Variants in ANXA2 observed in about 807,000 individuals in gnomAD.
ANXA2 encodes annexin II.
ANXA2 carries 28 observed loss-of-function variants against 47.3 expected under a neutral mutation model. The observed-to-expected ratio is 0.59, with a 90% confidence interval of 0.44 to 0.81. The LOEUF is 0.81. ANXA2 is among the 40% of genes least tolerant of loss of function. The pLI is 0.00. For missense variants in ANXA2, 384 were observed against 414.3 expected (o/e 0.93, Z 0.64); for synonymous variants, 172 against 155.5 (o/e 1.11, Z -0.79).
intron 10 of ANXA2, 23 bp from the exon 11 acceptor site, chr15:60,351,274 C>T (rs1379147928): frequency 6.2e-7 from 1 of 1,612,618 alleles, no homozygotes; most frequent in Non-Finnish European, 8.5e-7. Flanking sequence ...GAAAGGGAGT[C>T]AGCGCTGCAG....
In ANXA2 at chr15:60,351,270, G is replaced by A. The variant is rs41308588; in HGVS notation, c.779-19C>T. 3 of 1,613,688 alleles carry A rather than the reference G, an allele frequency of 1.9e-6. No homozygotes were observed. Among genetic ancestry groups the A allele is most frequent in the African/African-American group, 2.7e-5 (2 of 74,928 alleles). On this transcript the variant is annotated intron_variant, in intron 10 of 12. Transcript: ENST00000451270. ...CACTGAACTGTGGAGAGAAGAAAGGGAGTCAGCGCTGCAGCTGCTCTGGTC... is the reference window on the plus strand; with the variant it reads ...CACTGAACTGTGGAGAGAAGAAAGGAAGTCAGCGCTGCAGCTGCTCTGGTC...
intron 1 of ANXA2, 183 bp from the exon 2 acceptor site, chr15:60,386,269 C>T: frequency 1.7e-6 from 1 of 582,354 alleles, no homozygotes; most frequent in Non-Finnish European, 3.1e-6. Flanking sequence ...AGATGGTCTG[C>T]CTTGGGTTGG....
At chr15:60,364,287 G>T (rs1269704865) in intron 4 of ANXA2, 142 bp downstream of exon 4, 1 of 710,202 alleles carries the variant, frequency 1.4e-6, no homozygotes. Flanking sequence ...CTCTTACAAG[G>T]ATTTAAGAAG....
chr15:60,397,895 C>T (rs1049371965), intron 1 of ANXA2, 48 bp downstream of exon 1: 41 of 1,354,046 alleles, frequency 3.0e-5, no homozygotes, highest in Non-Finnish European at 3.8e-5. Context: ...TCTCCACACC[C>T]CGCTAGCTGG....
At chr15:60,364,940 TAG>T (rs1461873321) in intron 3 of ANXA2, among the ~76,000 whole-genome samples, 1 of 150,582 alleles carries the variant, frequency 6.6e-6, no homozygotes, top group Non-Finnish European at 1.5e-5. Context: ...ACTGAATTAA[TAG>T]AGATAATTAT....
chr15:60,389,674 A>C lies in ANXA2; in HGVS notation c.-11-3588T>G, dbSNP rs1373620568. 5.9e-5 allele frequency among the ~76,000 whole-genome samples: 9 copies of C among 152,318 alleles called. No individual in the cohort carries two copies. In the East Asian group the frequency reaches 1.7e-3, roughly 29 times the overall value. ...CTAAATCTCCCCATTTAATCTTGTC[A>C]AAATCATTTGACATCATTCAAAATC... On this transcript the variant is annotated intron_variant, in intron 1 of 12. Transcript: ENST00000451270.
intron 5 of ANXA2, among the ~76,000 whole-genome samples, chr15:60,358,086 CTT>C (rs2062460412): frequency 6.6e-6 from 1 of 152,158 alleles, no homozygotes; most frequent in Admixed American, 6.5e-5. Context: ...TAGCTGCACT[CTT>C]TGAAATGTAA....
intron 3 of ANXA2, among the ~76,000 whole-genome samples, chr15:60,368,651 A>T (rs2062671603): frequency 6.6e-6 from 1 of 152,052 alleles, no homozygotes. Context: ...AAATACCTAG[A>T]AGTCTCTATA....
At chr15:60,394,129 G>C (rs114164168) in intron 1 of ANXA2, among the ~76,000 whole-genome samples, 112 of 152,220 alleles carry the variant, frequency 7.4e-4, no homozygotes, top group African/African-American at 2.6e-3. Context: ...GGGATACTTG[G>C]ACCCTAGCTC....
At position 60,357,250 on chromosome 15, in the gene ANXA2, A is replaced by C. The variant is rs746023007; in HGVS notation, c.358-14T>G. 33 of 1,610,600 alleles carry C rather than the reference A, an allele frequency of 2.0e-5. No homozygotes were observed. Among genetic ancestry groups the C allele is most frequent in the Non-Finnish European group, 2.5e-5 (30 of 1,176,838 alleles). On this transcript the variant is annotated splice_polypyrimidine_tract_variant and intron_variant, in intron 5 of 12. Coordinates refer to ENST00000451270, the MANE Select transcript of ANXA2 (RefSeq NM_004039.3). ...GGTTCCCAGCCCCTGTGAACCAGGAAGCACGAACATCAGCAGGGAAATGCT... is the reference window on the plus strand; with the variant it reads ...GGTTCCCAGCCCCTGTGAACCAGGACGCACGAACATCAGCAGGGAAATGCT...
At position 60,355,945 on chromosome 15, in the gene ANXA2, G is replaced by A. The variant is rs567083246; in HGVS notation, c.502C>T (p.Arg168Cys). Residue 168 changes from arginine to cysteine, a missense_variant, in exon 7 of 13, where the codon CGC becomes TGC. Transcript: ENST00000451270. ...DIISDTSGDFRKLMVALAKGR... is the reference protein window; with the variant it reads ...DIISDTSGDFCKLMVALAKGR... ...TTTGCCAGGGCAACCATCAGCTTGC[G>A]GAAGTCACCAGATGTGTCCGAAATA... 1.9e-5 allele frequency: 30 copies of A among 1,614,110 alleles called. No individual in the cohort carries two copies. Among genetic ancestry groups the A allele is most frequent in the Admixed American group, 1.0e-4 (6 of 60,016 alleles).
In ANXA2 at chr15:60,349,162, G is replaced by A. The variant is rs1895872065; in HGVS notation, c.873C>T (p.Ile291=). 1 of 1,613,928 alleles carries A rather than the reference G, an allele frequency of 6.2e-7. No individual in the cohort carries two copies. The part of the protein sequence containing the change: ...KGTRDKVLIR[I]MVSRSEVDML... ...TGTCCACTTCACTGCGGGAGACCAT[G>A]ATTCTGATCAGGACCTTATCTCGCG... is the stretch of plus-strand genomic sequence containing the variant. The change falls in exon 12 of 13, where the codon ATC becomes ATT. Residue 291 remains isoleucine (I), a synonymous_variant. Coordinates refer to ENST00000451270, the MANE Select transcript of ANXA2 (RefSeq NM_004039.3).
At chr15:60,347,885 C>T (rs1283328239) in intron 12 of ANXA2, among the ~76,000 whole-genome samples, 196 bp from the exon 13 acceptor site, 2 of 152,130 alleles carry the variant, frequency 1.3e-5, no homozygotes, top group South Asian at 2.1e-4. Flanking sequence ...GGAGTGTGGT[C>T]GGAGGAGGTG....
intron 8 of ANXA2, among the ~76,000 whole-genome samples, chr15:60,353,332 G>A (rs1011824096): frequency 1.3e-5 from 2 of 152,100 alleles, no homozygotes. Flanking sequence ...GGTCTCTGCT[G>A]GCCTCCCTTT....
intron 3 of ANXA2, among the ~76,000 whole-genome samples, chr15:60,366,184 G>C (rs2062596861): frequency 6.9e-6 from 1 of 145,618 alleles, no homozygotes; most frequent in South Asian, 2.3e-4. Flanking sequence ...GCAGTGGCGT[G>C]ATCTCGGCTC....
chr15:60,374,558 T>C (rs1208848325), intron 3 of ANXA2: 1 of 455,760 alleles, frequency 2.2e-6, no homozygotes, highest in Non-Finnish European at 4.4e-6. Context: ...GGAAAAGAGC[T>C]AACTGTTTTT....
At chr15:60,358,240 G>T (rs185190334) in intron 5 of ANXA2, among the ~76,000 whole-genome samples, 13 of 152,286 alleles carry the variant, frequency 8.5e-5, no homozygotes, top group Non-Finnish European at 1.3e-4. Context: ...TAAGGAATAA[G>T]AATTTGATGG....
At position 60,349,834 on chromosome 15, in the gene ANXA2, GGAAGGAAAGGGAGGGAGGT is replaced by G. The variant is rs1413725395; in HGVS notation, c.838-656_838-638del. Among the ~76,000 whole-genome samples, 74 of 134,258 alleles carry G rather than the reference GGAAGGAAAGGGAGGGAGGT, an allele frequency of 5.5e-4. 1 individual carries two copies. Among genetic ancestry groups the G allele is most frequent in the Non-Finnish European group, 8.0e-4 (52 of 64,722 alleles). The allele number at this position is 134,258 out of a possible 152,430, so 88.1% of individuals were successfully genotyped here. On this transcript the variant is annotated intron_variant, in intron 11 of 12. Coordinates refer to ENST00000451270, the MANE Select transcript of ANXA2 (RefSeq NM_004039.3). Reference sequence around the variant, plus strand: ...GGGAAAGGAAGGAAAGGGAGGGAGGGGAAGGAAAGGGAGGGAGGTGAAGGCAGGGAGGCAGGGGAAGGCA... The same window carrying G: ...GGGAAAGGAAGGAAAGGGAGGGAGGGGAAGGCAGGGAGGCAGGGGAAGGCA...
At position 60,382,446 on chromosome 15, in the gene ANXA2, G is replaced by C; in HGVS notation, c.49-5C>G. The stretch of plus-strand genomic sequence containing the variant: ...TGCACTTGGGGGTGTAGAGTGCTGA[G>C]GTTAAAAGATAAACATACTCAAATG... On this transcript the variant is annotated splice_region_variant and splice_polypyrimidine_tract_variant and intron_variant, in intron 2 of 12. Coordinates refer to ENST00000451270, the MANE Select transcript of ANXA2 (RefSeq NM_004039.3). 1 of 1,595,842 alleles carries C rather than the reference G, an allele frequency of 6.3e-7. No homozygotes were observed. The highest frequency in any genetic ancestry group is 8.6e-7 in the Non-Finnish European group (1 of 1,164,442).
Sources: allele counts gnomAD v4.1 joint callset (sites outside exome capture counted in the v4.1 genomes callset), GRCh38; gene constraint gnomAD v4.1.1; transcripts MANE v1.5; gene names NCBI Gene and HGNC (gene_info 2026-07-23, HGNC 2026-07-21).